GNAL: variants seen among roughly 807,000 people sequenced by gnomAD.
GNAL encodes the protein G protein subunit alpha L, also known as guanine nucleotide-binding protein G(olf) subunit alpha.
A neutral mutation model predicts 55.1 loss-of-function variants in GNAL; 18 were observed. The ratio of observed to expected loss-of-function variants is 0.33; its 90% CI spans 0.23 to 0.48. The LOEUF (loss-of-function observed/expected upper bound fraction) is 0.48, where lower values mean the gene tolerates loss of function less well. GNAL is among the 20% of genes least tolerant of loss of function. GNAL has a pLI of 0.99. For synonymous variants in GNAL, 253 were observed against 237.0 expected (o/e 1.07, Z -0.62); for missense variants, 412 against 614.1 (o/e 0.67, Z 3.48).
At chr18:11,811,704 C>T (rs753082205) in intron 4 of GNAL, among the ~76,000 whole-genome samples, 62 of 152,186 alleles carry the variant, frequency 4.1e-4, no homozygotes, top group Non-Finnish European at 7.5e-4. Flanking sequence ...CCCACCTTTA[C>T]AGATATTTGC....
chr18:11,813,264 A>AAAAAAAG (rs1568038879), intron 4 of GNAL, among the ~76,000 whole-genome samples: 1 of 151,856 alleles, frequency 6.6e-6, no homozygotes, highest in African/African-American at 2.4e-5. Flanking sequence ...TAAAAAAAAG[A>AAAAAAAG]AAAAAAGACA....
At chr18:11,715,476 A>G (rs1415787905) in intron 1 of GNAL, among the ~76,000 whole-genome samples, 2 of 151,758 alleles carry the variant, frequency 1.3e-5, no homozygotes, top group Non-Finnish European at 2.9e-5. Flanking sequence ...AAAAAAAAAA[A>G]AAGAAAAGAA....
rs2036689473 is a variant in GNAL at position 11,881,440 on chromosome 18, A to AACTT, written c.*306_*309dup. 2 of 268,412 alleles carry AACTT rather than the reference A, an allele frequency of 7.5e-6. No homozygotes were observed. Among genetic ancestry groups the AACTT allele is most frequent in the South Asian group, 2.0e-4 (2 of 10,250 alleles). The allele number at this position is 268,412 out of a possible 1,614,324, so 16.6% of individuals were successfully genotyped here. On this transcript the variant is annotated 3_prime_UTR_variant, in exon 12 of 12. Transcript: ENST00000334049. The surrounding 1 kb of genome is among the most constrained non-coding windows in gnomAD (Gnocchi z 4.8). ...CTCCCTTTATTGATTCATCGAGGAG[A>AACTT]ACTTGGTAGATGGGGAGAAAACACA...
At chr18:11,699,286 C>T (rs941062351) in intron 1 of GNAL, among the ~76,000 whole-genome samples, 29 of 151,994 alleles carry the variant, frequency 1.9e-4, no homozygotes, top group African/African-American at 6.8e-4. Context: ...CTTCCACCTC[C>T]TAGGTTCAAG....
intron 4 of GNAL, among the ~76,000 whole-genome samples, chr18:11,801,847 A>G (rs1412633579): frequency 6.6e-6 from 1 of 152,074 alleles, no homozygotes; most frequent in Non-Finnish European, 1.5e-5. Context: ...CAGGTGGAGC[A>G]GGTCCCGGGG....
Position 11,752,855 on chromosome 18 carries a change from G to A in GNAL, c.379G>A (p.Ala127Thr). The A allele has an allele frequency of 1.2e-6, 2 of 1,602,716 alleles. No individual in the cohort carries two copies. The highest frequency in any genetic ancestry group is 1.7e-6 in the Non-Finnish European group (2 of 1,169,628). The change falls in exon 2 of 12, where the codon GCT (alanine) becomes ACT (threonine). Residue 127 changes from alanine (A) to threonine (T), a missense_variant and splice_region_variant. Physicochemically the swap from Ala to Thr is moderately conservative, Grantham distance 58. Coordinates refer to ENST00000334049, the MANE Select transcript of GNAL (RefSeq NM_182978.4). This position sits in a 1 kb window ranked among gnomAD's most constrained non-coding sequence, Gnocchi z 4.5. ...QQTHRLLLLG[A>T]GESGKSTIVK... is the part of the protein sequence containing the mutation. ...GCGTTCTTTCTGTTTGTTTGCAGGG[G>A]CTGGTGAGTCTGGGAAAAGCACTAT...
chr18:11,766,090 T>C (rs1027162318), intron 4 of GNAL, among the ~76,000 whole-genome samples: 1 of 152,248 alleles, frequency 6.6e-6, no homozygotes, highest in African/African-American at 2.4e-5. Flanking sequence ...GAGGCTATTC[T>C]TATGCCAAAT....
chr18:11,790,661 C>CTTTTTTTTTTTTTTT, intron 4 of GNAL, among the ~76,000 whole-genome samples: 1 of 71,448 alleles, frequency 1.4e-5, no homozygotes, highest in Non-Finnish European at 3.1e-5. Context: ...CTTTTTTTTT[C>CTTTTTTTTTTTTTTT]TTTTTTTTTT....
At chr18:11,804,882 G>A (rs868423698) in intron 4 of GNAL, among the ~76,000 whole-genome samples, 30 of 144,460 alleles carry the variant, frequency 2.1e-4, no homozygotes, top group South Asian at 1.8e-3. Context: ...GGTGGAACAC[G>A]GAGATACTGT....
At chr18:11,824,504 A>G (rs1598409074) in intron 4 of GNAL, among the ~76,000 whole-genome samples, 1 of 152,010 alleles carries the variant, frequency 6.6e-6, no homozygotes, top group South Asian at 2.1e-4. Flanking sequence ...CCTGGTCAAC[A>G]TGGTGAAACC....
chr18:11,856,032 C>CATA (rs2036000769), intron 5 of GNAL, among the ~76,000 whole-genome samples: 1 of 150,976 alleles, frequency 6.6e-6, no homozygotes, highest in African/African-American at 2.5e-5. Flanking sequence ...ATTAACTGAG[C>CATA]ATAGTATCAG....
chr18:11,747,795 T>A lies in GNAL; in HGVS notation c.377-5058T>A, dbSNP rs539293144. 2.6e-5 allele frequency among the ~76,000 whole-genome samples: 4 copies of A among 152,278 alleles called. No homozygotes were observed. In the South Asian group the frequency reaches 8.3e-4, roughly 32 times the overall value. ...AGTGAGGAAACAACTGTTTTACTTT[T>A]GTGCCTTTCAAATTCTCCACGAGGT... On this transcript the variant is annotated intron_variant, in intron 1 of 11. Transcript: ENST00000334049.
chr18:11,774,437 A>G (rs2033722066), intron 4 of GNAL, among the ~76,000 whole-genome samples: 1 of 152,250 alleles, frequency 6.6e-6, no homozygotes, highest in Non-Finnish European at 1.5e-5. Context: ...GCGCCCATCT[A>G]AAAGAGCCAC....
At position 11,885,030 on chromosome 18, in the gene GNAL, T is replaced by G; in HGVS notation, c.*3895T>G. On this transcript the variant is annotated 3_prime_UTR_variant, in exon 12 of 12. Coordinates refer to ENST00000334049, the MANE Select transcript of GNAL (RefSeq NM_182978.4). ...GTCTTCCTGCCCCTTGATGCTCAAC[T>G]AAGCATCTGTTCCCTAGAAATACAT... 7.7e-7 allele frequency: 1 copy of G among 1,295,466 alleles called. No individual in the cohort carries two copies. The highest frequency in any genetic ancestry group is 5.5e-5 in the East Asian group (1 of 18,286). The allele number at this position is 1,295,466 out of a possible 1,614,324, so 80.2% of individuals were successfully genotyped here.
chr18:11,786,642 G>A (rs1341215372), intron 4 of GNAL, among the ~76,000 whole-genome samples: 1 of 149,148 alleles, frequency 6.7e-6, no homozygotes, highest in African/African-American at 2.5e-5. Context: ...TAGTGGAGAC[G>A]GGCTTTCACC....
At chr18:11,692,128 TTCAGG>T (rs1207980715) in intron 1 of GNAL, among the ~76,000 whole-genome samples, 1 of 152,210 alleles carries the variant, frequency 6.6e-6, no homozygotes, top group African/African-American at 2.4e-5. Context: ...AGAATAGTTG[TTCAGG>T]TCTGTGCTCT....
chr18:11,737,255 T>C (rs1160109359), intron 1 of GNAL, among the ~76,000 whole-genome samples: 1 of 152,184 alleles, frequency 6.6e-6, no homozygotes, highest in Non-Finnish European at 1.5e-5. Context: ...ATATATACAA[T>C]GAGCTTACTG....
chr18:11,845,066 A>G (rs9963595), intron 5 of GNAL, among the ~76,000 whole-genome samples: 28 of 152,190 alleles, frequency 1.8e-4, no homozygotes, highest in African/African-American at 6.0e-4. Context: ...GGGTTTCACC[A>G]TGTTAGCCAG....
intron 4 of GNAL, among the ~76,000 whole-genome samples, chr18:11,759,042 G>A (rs556945559): frequency 6.6e-5 from 10 of 152,102 alleles, no homozygotes; most frequent in East Asian, 1.9e-4. Flanking sequence ...GCATGGTGGC[G>A]GGCGCCTGTA....
Sources: gnomAD v4.1 joint callset for allele counts (sites outside exome capture counted in the v4.1 genomes callset) on GRCh38, gnomAD v4.1.1 for gene constraint, Gnocchi (gnomAD v3.1) non-coding constraint, MANE v1.5 for transcripts, NCBI Gene and HGNC (gene_info 2026-07-23, HGNC 2026-07-21) for gene names.